Variants in PLCXD3 observed in about 807,000 individuals in gnomAD.
PLCXD3 encodes the protein PI-PLC X domain-containing protein 3.
PLCXD3 carries 19 observed loss-of-function variants against 25.5 expected under a neutral mutation model. The observed-to-expected ratio is 0.75, with a 90% CI of 0.52 to 1.09. The LOEUF is 1.09. Among genes scored for constraint, PLCXD3 ranks in the 50% least tolerant of loss-of-function variants. The probability of loss-of-function intolerance (pLI) is 0.00; values close to 1 mark genes in which losing one functional copy is unlikely to be tolerated. For synonymous variants in PLCXD3, 174 were observed against 137.6 expected, an observed-to-expected ratio of 1.26 and a Z score of -1.85; for missense variants, 411 against 388.1, an observed-to-expected ratio of 1.06 and a Z score of -0.50.
chr5:41,349,892 T>C (rs1003690794), intron 2 of PLCXD3, among the ~76,000 whole-genome samples: 3 of 152,168 alleles, frequency 2.0e-5, no homozygotes, highest in Admixed American at 2.0e-4. Flanking sequence ...CAAAGGAAAG[T>C]TCTGGAATGT....
At chr5:41,327,776 C>T (rs555528692) in intron 2 of PLCXD3, among the ~76,000 whole-genome samples, 1 of 152,156 alleles carries the variant, frequency 6.6e-6, no homozygotes, top group Admixed American at 6.5e-5. Flanking sequence ...TGTCCCCCAC[C>T]ATTCTTTAAT....
At chr5:41,420,015 T>A (rs1163029751) in intron 1 of PLCXD3, among the ~76,000 whole-genome samples, 2 of 152,190 alleles carry the variant, frequency 1.3e-5, no homozygotes, top group African/African-American at 2.4e-5. Flanking sequence ...TAATTACTCA[T>A]CTATTTTTAT....
chr5:41,510,193 C>T (rs1192130996), intron 1 of PLCXD3, among the ~76,000 whole-genome samples: 4 of 152,158 alleles, frequency 2.6e-5, no homozygotes, highest in African/African-American at 9.7e-5. Flanking sequence ...CTTCAAAAGC[C>T]CAGGAGAAAA....
At position 41,323,426 on chromosome 5, in the gene PLCXD3, C is replaced by T. The variant is rs139575153; in HGVS notation, c.813-9656G>A. On this transcript the variant is annotated intron_variant, in intron 2 of 2. Transcript: ENST00000377801. ...GAGGGAAGGGATACCCCATTCTTCA[C>T]AGTAAGCTTATTTCACATTGCATGC... is the stretch of plus-strand genomic sequence containing the variant. Among the ~76,000 whole-genome samples the T allele has an allele frequency of 3.1e-3, 475 of 152,262 alleles. 1 individual carries two copies. The highest frequency in any genetic ancestry group is 0.011 in the African/African-American group (456 of 41,552).
chr5:41,387,850 C>T (rs911617351), intron 1 of PLCXD3, among the ~76,000 whole-genome samples: 2 of 151,962 alleles, frequency 1.3e-5, no homozygotes, highest in African/African-American at 2.4e-5. Context: ...ATGTGATGCA[C>T]ATAGATAAAT....
At chr5:41,429,409 GGAGAGAGA>G (rs575243753) in intron 1 of PLCXD3, among the ~76,000 whole-genome samples, 26 of 151,462 alleles carry the variant, frequency 1.7e-4, no homozygotes, top group African/African-American at 6.3e-4. Context: ...AGAAGGCGGA[GGAGAGAGA>G]GAGAGAGACA....
intron 2 of PLCXD3, among the ~76,000 whole-genome samples, chr5:41,376,460 T>C (rs772068957): frequency 2.6e-5 from 4 of 152,052 alleles, no homozygotes; most frequent in Non-Finnish European, 5.9e-5. Context: ...ATATGCCTAA[T>C]TCAGCTAACC....
At chr5:41,394,946 T>C (rs1002204528) in intron 1 of PLCXD3, among the ~76,000 whole-genome samples, 1 of 152,126 alleles carries the variant, frequency 6.6e-6, no homozygotes, top group African/African-American at 2.4e-5. Context: ...AGGAAACTTG[T>C]TGGACTTCAT....
At position 41,456,506 on chromosome 5, in the gene PLCXD3, T is replaced by TG. The variant is rs1206587418; in HGVS notation, c.103+53917dup. 6.1e-6 allele frequency: 5 copies of TG among 820,716 alleles called. No individual in the cohort carries two copies. In the East Asian group the frequency reaches 6.2e-4, roughly 102 times the overall value. 50.8% of individuals were successfully genotyped at this position (820,716 alleles called of 1,614,324 possible). The stretch of plus-strand genomic sequence containing the variant: ...TGAAAAATAAAATATACATTTATGT[T>TG]GAAAAAAAAAGAAAAACAAGTTCTT... On this transcript the variant is annotated intron_variant, in intron 1 of 2. Transcript: ENST00000377801.
intron 1 of PLCXD3, among the ~76,000 whole-genome samples, chr5:41,502,792 A>G (rs1185312831): frequency 6.6e-6 from 1 of 152,200 alleles, no homozygotes; most frequent in Non-Finnish European, 1.5e-5. Context: ...TACGTAGGAC[A>G]GAAAAAGTGA....
intron 1 of PLCXD3, among the ~76,000 whole-genome samples, chr5:41,393,314 A>G (rs969685378): frequency 6.6e-6 from 1 of 152,164 alleles, no homozygotes; most frequent in Non-Finnish European, 1.5e-5. Flanking sequence ...TCCTAAAAGT[A>G]CCAAGAAAAA....
At position 41,307,773 on chromosome 5, in the gene PLCXD3, G is replaced by A. The variant is rs1017580911; in HGVS notation, c.*5844C>T. 1 of 152,042 alleles carries A rather than the reference G, an allele frequency of 6.6e-6. No homozygotes were observed. Among genetic ancestry groups the A allele is most frequent in the African/African-American group, 2.4e-5 (1 of 41,410 alleles). 9.4% of individuals were successfully genotyped at this position (152,042 alleles called of 1,614,324 possible). A position where few individuals can be genotyped will look rare whatever the true frequency, so the allele number is the denominator to read the frequency against. ...AAATAATTTGTGGTAAGATGTGAATGGGGGAAATAATGAATTCGTTTGTTA... is the reference window on the plus strand; with the variant it reads ...AAATAATTTGTGGTAAGATGTGAATAGGGGAAATAATGAATTCGTTTGTTA... On this transcript the variant is annotated 3_prime_UTR_variant, in exon 3 of 3. Transcript: ENST00000377801.
intron 1 of PLCXD3, among the ~76,000 whole-genome samples, chr5:41,476,046 A>T (rs1179579818): frequency 6.6e-6 from 1 of 152,226 alleles, no homozygotes; most frequent in Non-Finnish European, 1.5e-5. Flanking sequence ...TTCAGATTAC[A>T]CATGAATAAT....
intron 1 of PLCXD3, among the ~76,000 whole-genome samples, chr5:41,388,149 T>G (rs1388039776): frequency 6.6e-6 from 1 of 152,012 alleles, no homozygotes; most frequent in Non-Finnish European, 1.5e-5. Flanking sequence ...CATACAATCC[T>G]TGCCCTCAAG....
At chr5:41,387,448 A>T (rs1745673294) in intron 1 of PLCXD3, among the ~76,000 whole-genome samples, 1 of 152,146 alleles carries the variant, frequency 6.6e-6, no homozygotes, top group African/African-American at 2.4e-5. Context: ...ATACATTTGG[A>T]CACTACTTAA....
chr5:41,398,457 T>A (rs932852575), intron 1 of PLCXD3, among the ~76,000 whole-genome samples: 3 of 152,194 alleles, frequency 2.0e-5, no homozygotes, highest in Admixed American at 1.3e-4. Context: ...TGTGAGTCAA[T>A]TAAATTTCTT....
chr5:41,464,176 C>T (rs1030717993), intron 1 of PLCXD3, among the ~76,000 whole-genome samples: 2 of 151,972 alleles, frequency 1.3e-5, no homozygotes, highest in African/African-American at 2.4e-5. Flanking sequence ...ATTTACTAGT[C>T]TGCTTTAATC....
chr5:41,339,510 T>C (rs1744078789), intron 2 of PLCXD3, among the ~76,000 whole-genome samples: 1 of 152,086 alleles, frequency 6.6e-6, no homozygotes, highest in South Asian at 2.1e-4. Context: ...ATGTAAATTA[T>C]CTGCCTGACT....
At chr5:41,431,226 G>A (rs2150508705) in intron 1 of PLCXD3, among the ~76,000 whole-genome samples, 1 of 152,182 alleles carries the variant, frequency 6.6e-6, no homozygotes, top group East Asian at 1.9e-4. Context: ...TTAAAATTTT[G>A]TTTAATTAAA....
Sources: gnomAD v4.1 joint callset for allele counts (sites outside exome capture counted in the v4.1 genomes callset) on GRCh38, gnomAD v4.1.1 for gene constraint, MANE v1.5 for transcripts, NCBI Gene and HGNC (gene_info 2026-07-23, HGNC 2026-07-21) for gene names.